Variants in ADK observed in about 807,000 individuals in gnomAD.
ADK encodes adenosine kinase.
Under a neutral mutation model 44.7 loss-of-function variants are expected in ADK, and 24 were observed. The ratio of observed to expected loss-of-function variants is 0.54; its 90% CI spans 0.39 to 0.76. The LOEUF is 0.76. Among genes scored for constraint, ADK ranks in the 30% least tolerant of loss-of-function variants. ADK has a pLI of 0.00. For synonymous variants in ADK, 128 were observed against 142.6 expected (o/e 0.90, Z 0.73); for missense variants, 321 against 425.1 (o/e 0.76, Z 2.15).
intron 7 of ADK, among the ~76,000 whole-genome samples, chr10:74,531,572 C>T (rs1402730783): frequency 6.6e-6 from 1 of 152,162 alleles, no homozygotes; most frequent in Non-Finnish European, 1.5e-5. Flanking sequence ...CTCACTCTCT[C>T]ACCCAGGCTA....
chr10:74,489,986 G>A (rs1222707943), intron 6 of ADK, among the ~76,000 whole-genome samples: 3 of 150,712 alleles, frequency 2.0e-5, no homozygotes, highest in African/African-American at 7.3e-5. Context: ...ATCACAAATA[G>A]CATATATCCG....
intron 4 of ADK, among the ~76,000 whole-genome samples, chr10:74,358,758 A>G (rs1842225381): frequency 6.6e-6 from 1 of 152,248 alleles, no homozygotes; most frequent in African/African-American, 2.4e-5. Flanking sequence ...TAAATATAGC[A>G]ACATTTTGGA....
At chr10:74,210,330 G>GAAAAAAAAAAAA (rs57852507) in intron 2 of ADK, among the ~76,000 whole-genome samples, 2 of 84,892 alleles carry the variant, frequency 2.4e-5, no homozygotes, top group Non-Finnish European at 4.4e-5. Context: ...TCCATCTCAG[G>GAAAAAAAAAAAA]AAAAAAAAAA....
intron 10 of ADK, among the ~76,000 whole-genome samples, chr10:74,685,037 C>T (rs1174927453): frequency 6.6e-6 from 1 of 152,102 alleles, no homozygotes; most frequent in Non-Finnish European, 1.5e-5. Context: ...ACTGCATTAG[C>T]TACTGAGCTT....
At chr10:74,692,005 G>A (rs1008991535) in intron 10 of ADK, among the ~76,000 whole-genome samples, 6 of 152,130 alleles carry the variant, frequency 3.9e-5, no homozygotes, top group Non-Finnish European at 5.9e-5. Flanking sequence ...ATGATCTAGC[G>A]ATCAGGCTCC....
At chr10:74,526,478 G>A (rs1228768282) in intron 7 of ADK, among the ~76,000 whole-genome samples, 2 of 152,096 alleles carry the variant, frequency 1.3e-5, no homozygotes, top group African/African-American at 4.8e-5. Context: ...ATACAATGAA[G>A]GTATTGTATT....
chr10:74,597,433 T>G (rs1851962285), intron 8 of ADK, among the ~76,000 whole-genome samples: 1 of 152,148 alleles, frequency 6.6e-6, no homozygotes, highest in Admixed American at 6.5e-5. Flanking sequence ...GTTTCAACCG[T>G]TTTTTCTCTA....
At chr10:74,263,974 A>T (rs1015077913) in intron 3 of ADK, among the ~76,000 whole-genome samples, 4 of 152,240 alleles carry the variant, frequency 2.6e-5, no homozygotes, top group Non-Finnish European at 4.4e-5. Context: ...CTGTTTATGC[A>T]TATGTGAAAG....
At chr10:74,662,135 A>G (rs1466753845) in intron 9 of ADK, among the ~76,000 whole-genome samples, 1 of 152,216 alleles carries the variant, frequency 6.6e-6, no homozygotes, top group Non-Finnish European at 1.5e-5. Flanking sequence ...GAAAATAGGT[A>G]GAACAGATAT....
At chr10:74,196,669 A>G (rs969426569) in intron 1 of ADK, among the ~76,000 whole-genome samples, 2 of 152,228 alleles carry the variant, frequency 1.3e-5, no homozygotes, top group East Asian at 1.9e-4. Flanking sequence ...TTCAGTTGTA[A>G]GTAACTAAAA....
chr10:74,506,921 T>C (rs1848098092), intron 6 of ADK, among the ~76,000 whole-genome samples: 1 of 152,236 alleles, frequency 6.6e-6, no homozygotes, highest in Non-Finnish European at 1.5e-5. Context: ...ATCACAAATT[T>C]CCAAAAAATT....
At chr10:74,685,507 A>G (rs1855753741) in intron 10 of ADK, among the ~76,000 whole-genome samples, 1 of 152,166 alleles carries the variant, frequency 6.6e-6, no homozygotes, top group Non-Finnish European at 1.5e-5. Context: ...TTAAGCCACA[A>G]AGTAGCAGGT....
Position 74,396,033 on chromosome 10 carries a change from C to T in ADK, c.446+1720C>T, listed in dbSNP as rs562645725. ...CTCAAAACCAAAGAGAGAGAGAGAA[C>T]AGTTATGATAATATTAGATCTTCTG... On this transcript the variant is annotated intron_variant, in intron 5 of 10. Coordinates refer to ENST00000539909, the MANE Select transcript of ADK (RefSeq NM_006721.4). Among the ~76,000 whole-genome samples the T allele has an allele frequency of 1.2e-4, 18 of 152,150 alleles. No individual in the cohort carries two copies. In the South Asian group the frequency reaches 3.7e-3, roughly 32 times the overall value.
chr10:74,445,657 A>T (rs1845566489), intron 6 of ADK, among the ~76,000 whole-genome samples: 1 of 151,988 alleles, frequency 6.6e-6, no homozygotes, highest in African/African-American at 2.4e-5. Context: ...CCACAATTAT[A>T]TAGGTAGTTC....
chr10:74,378,958 A>G (rs1842898192), intron 4 of ADK, among the ~76,000 whole-genome samples: 1 of 152,138 alleles, frequency 6.6e-6, no homozygotes, highest in Non-Finnish European at 1.5e-5. Flanking sequence ...AAATTTAAAA[A>G]ATTGTTTAAA....
At chr10:74,317,088 C>T (rs1840650449) in intron 4 of ADK, among the ~76,000 whole-genome samples, 1 of 152,070 alleles carries the variant, frequency 6.6e-6, no homozygotes, top group African/African-American at 2.4e-5. Flanking sequence ...CCCCAAAGCT[C>T]TTAGGTATTT....
chr10:74,261,386 T>C (rs908888495), intron 3 of ADK, among the ~76,000 whole-genome samples: 2 of 152,214 alleles, frequency 1.3e-5, no homozygotes, highest in African/African-American at 4.8e-5. Flanking sequence ...TTCAGCCCTC[T>C]ATTCTACTTT....
chr10:74,643,937 G>A (rs1412801242), intron 9 of ADK, among the ~76,000 whole-genome samples: 1 of 152,056 alleles, frequency 6.6e-6, no homozygotes, highest in African/African-American at 2.4e-5. Context: ...TGACAGACTG[G>A]GTTCCAGACT....
At chr10:74,268,134 G>A (rs1846287170) in intron 3 of ADK, among the ~76,000 whole-genome samples, 1 of 152,026 alleles carries the variant, frequency 6.6e-6, no homozygotes, top group Non-Finnish European at 1.5e-5. Flanking sequence ...ACCGCTCTGG[G>A]CAGCATAATG....
Sources: gnomAD v4.1 joint callset for allele counts (sites outside exome capture counted in the v4.1 genomes callset) on GRCh38, gnomAD v4.1.1 for gene constraint, MANE v1.5 for transcripts, NCBI Gene and HGNC (gene_info 2026-07-23, HGNC 2026-07-21) for gene names.